Variants in GLYR1 observed in about 807,000 individuals in gnomAD.
GLYR1 encodes glyoxylate reductase 1 homolog.
GLYR1 carries 21 observed loss-of-function variants against 72.7 expected under a neutral mutation model. The observed-to-expected ratio is 0.29, with a 90% CI of 0.20 to 0.42. The LOEUF is 0.42. Among genes scored for constraint, GLYR1 ranks in the 10% least tolerant of loss-of-function variants. GLYR1 has a pLI of 1.00. For synonymous variants in GLYR1, 392 were observed against 270.2 expected (o/e 1.45, Z -4.42); for missense variants, 594 against 712.1 (o/e 0.83, Z 1.89).
chr16:4,814,704 G>C, intron 10 of GLYR1, 57 bp from the exon 11 acceptor site: 1 of 1,356,046 alleles, frequency 7.4e-7, no homozygotes, highest in Non-Finnish European at 1.0e-6. Context: ...AAACATGCCA[G>C]CCAGGCCAGA....
At chr16:4,816,709 G>A (rs2141970440) in intron 10 of GLYR1, among the ~76,000 whole-genome samples, 1 of 152,106 alleles carries the variant, frequency 6.6e-6, no homozygotes, top group East Asian at 2.0e-4. Context: ...TTGTGGGCCA[G>A]GCACAGTGGC....
At chr16:4,815,844 C>A (rs559857103) in intron 10 of GLYR1, among the ~76,000 whole-genome samples, 2 of 151,974 alleles carry the variant, frequency 1.3e-5, no homozygotes, top group African/African-American at 4.8e-5. Context: ...TGCAGTGGCA[C>A]GATCTCAGCT....
rs1372957638 is a variant in GLYR1, at chr16:4,823,850, C to T, written c.595G>A (p.Ala199Thr). 3 of 1,613,906 alleles carry T rather than the reference C, an allele frequency of 1.9e-6. No homozygotes were observed. Among genetic ancestry groups the T allele is most frequent in the South Asian group, 1.1e-5 (1 of 91,076 alleles). ...VKGMMAGPMA[A>T]FKWQPTASEP... ...CTTGCGGTTGGCTGCCATTTAAACG[C>T]GGCCATCGGTCCGGCCATCATCCCC... The change falls in exon 6 of 16, where the codon GCG becomes ACG. Residue 199 changes from alanine to threonine, a missense_variant. Coordinates refer to ENST00000321919, the MANE Select transcript of GLYR1 (RefSeq NM_032569.4).
At chr16:4,834,560 C>T (rs1270850346) in intron 3 of GLYR1, among the ~76,000 whole-genome samples, 1 of 152,004 alleles carries the variant, frequency 6.6e-6, no homozygotes, top group African/African-American at 2.4e-5. Flanking sequence ...CCTCCACCTC[C>T]CAGGTTCAAG....
At chr16:4,828,217 C>T (rs1408718740) in intron 5 of GLYR1, among the ~76,000 whole-genome samples, 1 of 151,586 alleles carries the variant, frequency 6.6e-6, no homozygotes, top group East Asian at 2.0e-4. Flanking sequence ...CTATAGGCGC[C>T]CACCACCATG....
Position 4,821,384 on chromosome 16 carries a change from T to G in GLYR1, c.802A>C (p.Lys268Gln). ...AVNGSITPTDKKIGFLGLGLM... is the reference protein window; with the variant it reads ...AVNGSITPTDQKIGFLGLGLM... ...CCTTTTCATCAAAGGTCCTACTTTT[T>G]GTCTGTGGGTGTGATGCTGCCATTC... Residue 268 changes from lysine (K) to glutamine (Q), a missense_variant, in exon 9 of 16, where the codon AAA becomes CAA. Physicochemically the swap from Lys to Gln is moderately conservative, Grantham distance 53 (BLOSUM62 1). Around this residue, in one of 5 missense-constraint regions of GLYR1, gnomAD observed 266 missense variants for 358.4 expected, o/e 0.74. Coordinates refer to ENST00000321919, the MANE Select transcript of GLYR1 (RefSeq NM_032569.4). 1 of 1,612,910 alleles carries G rather than the reference T, an allele frequency of 6.2e-7. No individual in the cohort carries two copies. Among genetic ancestry groups the G allele is most frequent in the Non-Finnish European group, 8.5e-7 (1 of 1,180,036 alleles).
At chr16:4,821,353 T>C (rs2084012305) in intron 9 of GLYR1, 27 bp downstream of exon 9, 1 of 1,611,120 alleles carries the variant, frequency 6.2e-7, no homozygotes, top group Non-Finnish European at 8.5e-7. Flanking sequence ...CCAGAGCCAC[T>C]GGAGGCCTTT....
intron 15 of GLYR1, among the ~76,000 whole-genome samples, chr16:4,808,869 G>C (rs1047356099): frequency 6.6e-6 from 1 of 152,130 alleles, no homozygotes; most frequent in African/African-American, 2.4e-5. Context: ...GGGAGGCTGA[G>C]GTGGGAGGAT....
chr16:4,832,703 T>G, intron 4 of GLYR1, 71 bp downstream of exon 4: 1 of 1,492,034 alleles, frequency 6.7e-7, no homozygotes, highest in Non-Finnish European at 9.0e-7. Flanking sequence ...TTGGGTGACA[T>G]TTAATCTGTT....
chr16:4,820,909 T>G (rs989303381), intron 9 of GLYR1, among the ~76,000 whole-genome samples: 1 of 152,198 alleles, frequency 6.6e-6, no homozygotes, highest in Non-Finnish European at 1.5e-5. Context: ...CCCAAGCACT[T>G]TCATCTCCCT....
chr16:4,813,680 G>A (rs1185138007), intron 12 of GLYR1, 57 bp downstream of exon 12: 2 of 1,431,240 alleles, frequency 1.4e-6, no homozygotes, highest in Admixed American at 3.9e-5. Context: ...TTGTAAGCCT[G>A]GGTCTTGGGC....
intron 1 of GLYR1, 154 bp downstream of exon 1, chr16:4,847,074 C>T (rs918495270): frequency 8.5e-6 from 6 of 709,840 alleles, no homozygotes; most frequent in African/African-American, 3.7e-5. Flanking sequence ...CTGCCCCTTC[C>T]GCCTGGCGCC....
chr16:4,827,607 AC>A (rs931349635), intron 5 of GLYR1, among the ~76,000 whole-genome samples: 61 of 152,126 alleles, frequency 4.0e-4, no homozygotes, highest in African/African-American at 1.4e-3. Flanking sequence ...AAACAAACAA[AC>A]AAAAAAAACG....
chr16:4,823,883 TACTA>T lies in GLYR1; in HGVS notation c.558_561del (p.Ser187ProfsTer2). The T allele has an allele frequency of 6.2e-7, 1 of 1,614,022 alleles. No homozygotes were observed. ...GGTCCGGCCATCATCCCCTTCACGG[TACTA>T]GACTCCGGGATGGTGAGATCCTATA... On this transcript the variant is annotated frameshift_variant, in exon 6 of 16. Transcript: ENST00000321919. LOFTEE classifies it high-confidence loss of function.
chr16:4,846,641 C>A, intron 1 of GLYR1: 1 of 253,236 alleles, frequency 3.9e-6, no homozygotes, highest in South Asian at 4.5e-5. Flanking sequence ...AGTCTTGGTT[C>A]GGGCGGTTGT....
chr16:4,812,074 C>T lies in GLYR1; in HGVS notation c.1282+12G>A, dbSNP rs1198777049. ...CCCCAGGCTCCAGGCCTGACAGGTG[C>T]AGGCGTGTTACCTAGGAAGAAGGAG... is the stretch of plus-strand genomic sequence containing the variant. On this transcript the variant is annotated intron_variant, in intron 13 of 15. Transcript: ENST00000321919. 2 of 1,610,868 alleles carry T rather than the reference C, an allele frequency of 1.2e-6. No homozygotes were observed. Among genetic ancestry groups the T allele is most frequent in the Admixed American group, 1.7e-5 (1 of 59,700 alleles).
At chr16:4,831,399 G>A (rs938093885) in intron 5 of GLYR1, among the ~76,000 whole-genome samples, 2 of 152,158 alleles carry the variant, frequency 1.3e-5, no homozygotes, top group African/African-American at 4.8e-5. Context: ...CGCTGCTTCA[G>A]TAGACCTTCA....
At position 4,831,907 on chromosome 16, in the gene GLYR1, AC is replaced by A. The variant is rs566024444; in HGVS notation, c.537+71del. The A allele has an allele frequency of 5.8e-6, 9 of 1,544,586 alleles. 1 individual carries two copies. The South Asian group carries it at 1.1e-4, about 19-fold the overall frequency. On this transcript the variant is annotated intron_variant, in intron 5 of 15. Transcript: ENST00000321919. ...ATAGATAAGCATACTACATAAGCAT[AC>A]TGTAGAGCTTAACTCTACCTTGTAC...
In GLYR1 at chr16:4,811,623, T is replaced by G; in HGVS notation, c.1462A>C (p.Asn488His). The G allele has an allele frequency of 6.2e-7, 1 of 1,613,728 alleles. No homozygotes were observed. The highest frequency in any genetic ancestry group is 8.5e-7 in the Non-Finnish European group (1 of 1,180,020). Residue 488 changes from asparagine (N) to histidine (H), a missense_variant and splice_region_variant, in exon 14 of 16, where the codon AAT becomes CAT. By Grantham distance (68) the Asn-to-His change is moderately conservative (BLOSUM62 1). This residue lies in a region of GLYR1 where 266 missense variants were observed against 358.4 expected (regional missense o/e 0.74). Transcript: ENST00000321919. Reference sequence around the variant, plus strand: ...AGAAGAGGGGCCAAAAACAACTCACTTTGGCACTTCTGGTCCAGGAAGATG... The same window carrying G: ...AGAAGAGGGGCCAAAAACAACTCACGTTGGCACTTCTGGTCCAGGAAGATG... ...ASIFLDQKCQ[N>H]ILQGNFKPDF...
Sources: allele counts gnomAD v4.1 joint callset (sites outside exome capture counted in the v4.1 genomes callset), GRCh38; gene constraint gnomAD v4.1.1; regional missense constraint gnomAD v4.1.1; transcripts MANE v1.5; gene names NCBI Gene and HGNC (gene_info 2026-07-23, HGNC 2026-07-21).